ACTN1: variants seen among roughly 807,000 people sequenced by gnomAD.
ACTN1 encodes the protein alpha-actinin-1.
In ACTN1, 30 loss-of-function variants were observed where a neutral mutation model predicts 119.6. The ratio of observed to expected loss-of-function variants is 0.25; its 90% CI spans 0.19 to 0.34. The LOEUF (loss-of-function observed/expected upper bound fraction) is 0.34, where lower values mean the gene tolerates loss of function less well. Among genes scored for constraint, ACTN1 ranks in the 10% least tolerant of loss-of-function variants. The pLI is 1.00. For synonymous variants in ACTN1, 429 were observed against 472.6 expected, an observed-to-expected ratio of 0.91 and a Z score of 1.20; for missense variants, 764 against 1,223.4, an observed-to-expected ratio of 0.62 and a Z score of 5.60.
At position 68,979,141 on chromosome 14, in the gene ACTN1, A is replaced by AGGGCG; in HGVS notation, c.-86_-85insCGCCC. 1.9e-5 allele frequency: 8 copies of AGGGCG among 414,796 alleles called. No individual in the cohort carries two copies. Among genetic ancestry groups the AGGGCG allele is most frequent in the East Asian group, 1.4e-4 (1 of 7,114 alleles). The allele number at this position is 414,796 out of a possible 1,614,324, so 25.7% of individuals were successfully genotyped here. A position where few individuals can be genotyped will look rare whatever the true frequency, so the allele number is the denominator to read the frequency against. ...TGCTGCCCTGGCGTGGGGAGGGAGT[A>AGGGCG]GGGCTGGGCTGGGCTGGGCTGGCGG... On this transcript the variant is annotated 5_prime_UTR_variant, in exon 1 of 22. Transcript: ENST00000394419.
rs762800858 is a variant in ACTN1, at chr14:68,921,142, G to A, written c.221-17C>T. 1 of 1,613,432 alleles carries A rather than the reference G, an allele frequency of 6.2e-7. No individual in the cohort carries two copies. Among genetic ancestry groups the A allele is most frequent in the Non-Finnish European group, 8.5e-7 (1 of 1,179,622 alleles). Reference sequence around the variant, plus strand: ...AGCGTTCACCTGTTTGGATCAAGAGGGAGGAAGAGGAAGGTGAGACGCTAT... The same window carrying A: ...AGCGTTCACCTGTTTGGATCAAGAGAGAGGAAGAGGAAGGTGAGACGCTAT... On this transcript the variant is annotated splice_polypyrimidine_tract_variant and intron_variant, in intron 2 of 21. Transcript: ENST00000394419.
chr14:68,971,520 C>T (rs2036883968), intron 1 of ACTN1, among the ~76,000 whole-genome samples: 1 of 152,232 alleles, frequency 6.6e-6, no homozygotes, highest in Admixed American at 6.5e-5. Context: ...AGGGTGCCAG[C>T]ACCTTCATTT....
rs375075673 is a variant in ACTN1 at position 68,944,454 on chromosome 14, G to A, written c.106-18782C>T. On this transcript the variant is annotated intron_variant, in intron 1 of 21. Coordinates refer to ENST00000394419, the MANE Select transcript of ACTN1 (RefSeq NM_001130004.2). The stretch of plus-strand genomic sequence containing the variant: ...TTCCTTCCTTCCATAAATTCTTACT[G>A]AGCACTCATTCTGTATCAGGGACTA... Among the ~76,000 whole-genome samples, 47 of 152,310 alleles carry A rather than the reference G, an allele frequency of 3.1e-4. 2 individuals carry two copies. Among genetic ancestry groups the A allele is most frequent in the Middle Eastern group, 3.4e-3 (1 of 294 alleles).
At chr14:68,908,256 T>G (rs1274466051) in intron 6 of ACTN1, among the ~76,000 whole-genome samples, 2 of 152,086 alleles carry the variant, frequency 1.3e-5, no homozygotes, top group Non-Finnish European at 1.5e-5. Context: ...CTCAAGATCC[T>G]TTTTGGCAGC....
Position 68,925,721 on chromosome 14 carries a change from C to T in ACTN1, c.106-49G>A, listed in dbSNP as rs764536614. On this transcript the variant is annotated intron_variant, in intron 1 of 21. Coordinates refer to ENST00000394419, the MANE Select transcript of ACTN1 (RefSeq NM_001130004.2). The surrounding 1 kb of genome is among the most constrained non-coding windows in gnomAD (Gnocchi z 4.3). ...GTGGTCAGGGGGCTGGTGTTGTCAC[C>T]CTCATTGGACAAGCCATTTAATGGT... is the stretch of plus-strand genomic sequence containing the variant. 1 of 1,490,098 alleles carries T rather than the reference C, an allele frequency of 6.7e-7. No individual in the cohort carries two copies. Among genetic ancestry groups the T allele is most frequent in the East Asian group, 2.3e-5 (1 of 43,234 alleles). 92.3% of individuals were successfully genotyped at this position (1,490,098 alleles called of 1,614,324 possible). A position where few individuals can be genotyped will look rare whatever the true frequency, so the allele number is the denominator to read the frequency against.
chr14:68,910,662 G>C (rs1349774320), intron 4 of ACTN1, among the ~76,000 whole-genome samples: 2 of 104,478 alleles, frequency 1.9e-5, no homozygotes, highest in African/African-American at 7.7e-5. Context: ...CTACCCCCCT[G>C]CTAGGTTTGT....
At chr14:68,930,296 T>C (rs1379397837) in intron 1 of ACTN1, among the ~76,000 whole-genome samples, 2 of 152,198 alleles carry the variant, frequency 1.3e-5, no homozygotes, top group African/African-American at 4.8e-5. Context: ...AGCATAGTAA[T>C]GTTGTTAATT....
intron 3 of ACTN1, among the ~76,000 whole-genome samples, chr14:68,918,136 G>A (rs1269707915): frequency 5.9e-5 from 9 of 152,336 alleles, no homozygotes; most frequent in African/African-American, 1.7e-4. Context: ...AAAGGAAACG[G>A]GAAAACTGAG....
At chr14:68,912,614 C>T (rs1028553699) in intron 3 of ACTN1, among the ~76,000 whole-genome samples, 2 of 152,066 alleles carry the variant, frequency 1.3e-5, no homozygotes, top group African/African-American at 2.4e-5. Context: ...TGGGTTCAAA[C>T]GATCCTCCCA....
chr14:68,949,346 C>T (rs943600615), intron 1 of ACTN1, among the ~76,000 whole-genome samples: 2 of 152,158 alleles, frequency 1.3e-5, no homozygotes, highest in East Asian at 3.9e-4. Context: ...GGGGACCTGG[C>T]CCAAAAAGGC....
Position 68,892,040 on chromosome 14 carries a change from C to A in ACTN1, c.1086+13G>T. On this transcript the variant is annotated intron_variant, in intron 10 of 21. Transcript: ENST00000394419. ...GTCCAGTCTGGGGGCCCAGGCTCAC[C>A]CCCAGTGCTCACCGAGACCATCCTG... is the stretch of plus-strand genomic sequence containing the variant. 1 of 1,612,354 alleles carries A rather than the reference C, an allele frequency of 6.2e-7. No homozygotes were observed. The highest frequency in any genetic ancestry group is 2.2e-5 in the East Asian group (1 of 44,878).
chr14:68,963,461 A>G (rs1566677185), intron 1 of ACTN1, among the ~76,000 whole-genome samples: 1 of 152,188 alleles, frequency 6.6e-6, no homozygotes, highest in Non-Finnish European at 1.5e-5. Context: ...GTCAACTTTA[A>G]AAAAAGATGA....
intron 3 of ACTN1, among the ~76,000 whole-genome samples, chr14:68,920,409 C>T (rs1385945714): frequency 6.6e-6 from 1 of 152,146 alleles, no homozygotes; most frequent in African/African-American, 2.4e-5. Context: ...CTAAACAACC[C>T]ACTCTCAATT....
intron 11 of ACTN1, chr14:68,886,376 G>A (rs1234652776): frequency 6.6e-6 from 1 of 152,158 alleles, no homozygotes; most frequent in Non-Finnish European, 1.5e-5. Context: ...AAAACAGAAT[G>A]GTAATATATA....
intron 20 of ACTN1, 43 bp from the exon 21 acceptor site, chr14:68,877,283 G>C: frequency 6.2e-7 from 1 of 1,610,456 alleles, no homozygotes; most frequent in Non-Finnish European, 8.5e-7. Flanking sequence ...CCCATGGCCT[G>C]CTGGGAATAT....
chr14:68,948,310 C>T (rs754786694), intron 1 of ACTN1, among the ~76,000 whole-genome samples: 2 of 152,230 alleles, frequency 1.3e-5, no homozygotes, highest in African/African-American at 2.4e-5. Context: ...GTGCGGTGGG[C>T]TCACGCCTAT....
At chr14:68,877,293 T>C in intron 20 of ACTN1, 53 bp from the exon 21 acceptor site, 1 of 1,606,630 alleles carries the variant, frequency 6.2e-7, no homozygotes, top group Non-Finnish European at 8.5e-7. Context: ...GCTGGGAATA[T>C]CTCATATGGA....
intron 1 of ACTN1, among the ~76,000 whole-genome samples, chr14:68,945,163 C>A (rs200579644): frequency 9.3e-3 from 1,109 of 119,510 alleles, no homozygotes; most frequent in South Asian, 0.011. Context: ...GACTCCGGTT[C>A]AAAAAAAAAA....
chr14:68,914,650 T>C (rs543874167), intron 3 of ACTN1, among the ~76,000 whole-genome samples: 3 of 152,200 alleles, frequency 2.0e-5, no homozygotes, highest in Admixed American at 6.5e-5. Context: ...CTTGTAGTCC[T>C]AGCTTCTTGG....
Sources: gnomAD v4.1 joint callset for allele counts (sites outside exome capture counted in the v4.1 genomes callset) on GRCh38, gnomAD v4.1.1 for gene constraint, Gnocchi (gnomAD v3.1) non-coding constraint, MANE v1.5 for transcripts, NCBI Gene and HGNC (gene_info 2026-07-23, HGNC 2026-07-21) for gene names.